The following SDSL variants were observed in gnomAD, a reference collection of about 807,000 sequenced individuals.
SDSL encodes the protein serine dehydratase like.
SDSL carries 26 observed loss-of-function variants against 27.6 expected under a neutral mutation model. That is an observed-to-expected ratio of 0.94 (90% CI 0.69 to 1.31). SDSL has a LOEUF of 1.31. Ranked by LOEUF, SDSL falls within the 50% of genes most tolerant of loss-of-function variation. The probability of loss-of-function intolerance (pLI) is 0.00; values close to 1 mark genes in which losing one functional copy is unlikely to be tolerated. For missense variants in SDSL, 431 were observed against 423.5 expected (o/e 1.02, Z -0.16); for synonymous variants, 196 against 180.6 (o/e 1.09, Z -0.69).
rs1249392200 is a variant in SDSL, at chr12:113,435,605, A to T, written c.671+49A>T. The T allele has an allele frequency of 5.9e-6, 9 of 1,521,664 alleles. No homozygotes were observed. In the Middle Eastern group the frequency reaches 1.2e-3, roughly 206 times the overall value. The allele number at this position is 1,521,664 out of a possible 1,614,324, so 94.3% of individuals were successfully genotyped here. A position where few individuals can be genotyped will look rare whatever the true frequency, so the allele number is the denominator to read the frequency against. On this transcript the variant is annotated intron_variant, in intron 6 of 7. Coordinates refer to ENST00000403593, the MANE Select transcript of SDSL (RefSeq NM_001304993.2). ...GTAGGGGCTGGAGGGTGGGTGTGCC[A>T]CTGTCCTAGGGCCTTCCAGTCCCAG...
intron 1 of SDSL, chr12:113,425,830 A>T (rs1036478594): frequency 7.2e-6 from 3 of 416,610 alleles, no homozygotes. Context: ...TCTACAAAAA[A>T]TACAAAAAAT....
At position 113,436,664 on chromosome 12, in the gene SDSL, G is replaced by C. The variant is rs577249118; in HGVS notation, c.672-87G>C. The C allele has an allele frequency of 1.4e-4, 189 of 1,341,418 alleles. 1 individual carries two copies. The Middle Eastern group carries it at 4.2e-3, about 30-fold the overall frequency. The allele number at this position is 1,341,418 out of a possible 1,614,324, so 83.1% of individuals were successfully genotyped here. On this transcript the variant is annotated intron_variant, in intron 6 of 7. Coordinates refer to ENST00000403593, the MANE Select transcript of SDSL (RefSeq NM_001304993.2). ...CAACCAGCCCATGGCAGGATGGGAGGGGGTGGCTGGGGCTGGGGAGAGACC... is the reference window on the plus strand; with the variant it reads ...CAACCAGCCCATGGCAGGATGGGAGCGGGTGGCTGGGGCTGGGGAGAGACC...
chr12:113,425,034 C>T (rs1957831626), intron 1 of SDSL, among the ~76,000 whole-genome samples: 1 of 152,210 alleles, frequency 6.6e-6, no homozygotes, highest in Non-Finnish European at 1.5e-5. Flanking sequence ...CTGCACCTGG[C>T]CAATGTTATT....
In SDSL at chr12:113,428,361, C is replaced by T. The variant is rs368995434; in HGVS notation, c.175-59C>T. On this transcript the variant is annotated intron_variant, in intron 2 of 7. Transcript: ENST00000403593. ...ATGGGGAGACTCTAACGCCATTCCA[C>T]ATAGGCCTTCATGACACCTGCTTGG... 31 of 1,550,104 alleles carry T rather than the reference C, an allele frequency of 2.0e-5. 1 individual carries two copies. In the African/African-American group the frequency reaches 2.8e-4, roughly 14 times the overall value.
chr12:113,436,645 GC>G (rs1305878523), intron 6 of SDSL, 105 bp from the exon 7 acceptor site: 1 of 1,209,412 alleles, frequency 8.3e-7, no homozygotes, highest in Non-Finnish European at 1.1e-6. Flanking sequence ...GCTCCAACCA[GC>G]CCATGGCAGG....
rs1028449319 is a variant in SDSL, at chr12:113,435,488, C to T, written c.603C>T (p.Thr201=). Residue 201 remains threonine (T), a synonymous_variant, in exon 6 of 8, where the codon ACC becomes ACT. Transcript: ENST00000403593. ...WQHVPIIAME[T]HGAHCFNAAI... ...ATGTACCCATCATTGCCATGGAGACCCATGGGGCACACTGCTTCAATGCGG... is the reference window on the plus strand; with the variant it reads ...ATGTACCCATCATTGCCATGGAGACTCATGGGGCACACTGCTTCAATGCGG... 1.9e-6 allele frequency: 3 copies of T among 1,614,084 alleles called. No individual in the cohort carries two copies. The highest frequency in any genetic ancestry group is 2.5e-6 in the Non-Finnish European group (3 of 1,179,998).
chr12:113,425,719 G>C (rs1022332540), intron 1 of SDSL: 13 of 455,792 alleles, frequency 2.9e-5, no homozygotes, highest in Non-Finnish European at 5.3e-5. Context: ...AGGGCTGAGC[G>C]CGGTGGCTCA....
chr12:113,437,550 A>C (rs1474839805), intron 7 of SDSL, among the ~76,000 whole-genome samples: 1 of 152,210 alleles, frequency 6.6e-6, no homozygotes, highest in Non-Finnish European at 1.5e-5. Context: ...ACAGACAGTC[A>C]AATGATGGAT....
intron 7 of SDSL, 117 bp downstream of exon 7, chr12:113,436,992 A>G: frequency 1.8e-6 from 2 of 1,097,650 alleles, no homozygotes; most frequent in South Asian, 1.9e-5. Context: ...CTAGGTGTGC[A>G]GTTACTGTGC....
intron 5 of SDSL, 62 bp downstream of exon 5, chr12:113,434,284 C>T (rs1293007857): frequency 2.3e-6 from 3 of 1,294,024 alleles, no homozygotes; most frequent in Non-Finnish European, 3.2e-6. Flanking sequence ...GAGTCAGGGT[C>T]CTCCCATTGG....
chr12:113,423,274 A>G (rs1957812090), intron 1 of SDSL, among the ~76,000 whole-genome samples: 1 of 152,238 alleles, frequency 6.6e-6, no homozygotes, highest in Admixed American at 6.5e-5. Context: ...AGTAACGATA[A>G]CACTAGTATA....
At chr12:113,432,416 A>T (rs894323258) in intron 4 of SDSL, among the ~76,000 whole-genome samples, 1 of 151,662 alleles carries the variant, frequency 6.6e-6, no homozygotes, top group African/African-American at 2.4e-5. Context: ...ATCTTGGCTC[A>T]CTGCAACCTC....
At position 113,423,097 on chromosome 12, in the gene SDSL, T is replaced by G. The variant is rs1053616894; in HGVS notation, c.-22+620T>G. Among the ~76,000 whole-genome samples, 6 of 152,216 alleles carry G rather than the reference T, an allele frequency of 3.9e-5. No individual in the cohort carries two copies. In the East Asian group the frequency reaches 1.2e-3, roughly 29 times the overall value. On this transcript the variant is annotated intron_variant, in intron 1 of 7. Coordinates refer to ENST00000403593, the MANE Select transcript of SDSL (RefSeq NM_001304993.2). Reference sequence around the variant, plus strand: ...TCAGGTGCCTGATGGGGTCTGGGGTTGATAAGGCTGTTGGCAACTTGGGGC... The same window carrying G: ...TCAGGTGCCTGATGGGGTCTGGGGTGGATAAGGCTGTTGGCAACTTGGGGC...
intron 7 of SDSL, among the ~76,000 whole-genome samples, chr12:113,437,663 A>AATGG (rs1359338693): frequency 6.6e-6 from 1 of 152,050 alleles, no homozygotes; most frequent in Non-Finnish European, 1.5e-5. Flanking sequence ...TGGATAGAGG[A>AATGG]ATGGATGGAT....
chr12:113,429,225 C>T lies in SDSL; in HGVS notation c.280C>T (p.Leu94Phe). ...GCTGGGCATTCCTGCCACCATCGTG[C>T]TCCCCGAGAGCACCTCCCTGCAGGT... ...RKLGIPATIV[L>F]PESTSLQVVQ... The change falls in exon 4 of 8, where the codon CTC (leucine) becomes TTC (phenylalanine). Residue 94 changes from leucine to phenylalanine, a missense_variant. Leu to Phe is a conservative substitution (Grantham distance 22). Coordinates refer to ENST00000403593, the MANE Select transcript of SDSL (RefSeq NM_001304993.2). 1 of 1,613,916 alleles carries T rather than the reference C, an allele frequency of 6.2e-7. No individual in the cohort carries two copies.
At chr12:113,435,300 T>TGCTTCTCCCTCTCACCCC (rs1957974167) in intron 5 of SDSL, 29 bp from the exon 6 acceptor site, 1 of 1,453,618 alleles carries the variant, frequency 6.9e-7, no homozygotes, top group South Asian at 1.4e-5. Flanking sequence ...TCCCTCACTC[T>TGCTTCTCCCTCTCACCCC]GCTTCTCCCT....
Position 113,436,811 on chromosome 12 carries a change from G to T in SDSL, c.732G>T (p.Val244=). The T allele has an allele frequency of 6.2e-7, 1 of 1,612,380 alleles. No individual in the cohort carries two copies. Among genetic ancestry groups the T allele is most frequent in the East Asian group, 2.2e-5 (1 of 44,842 alleles). The change falls in exon 7 of 8, where the codon GTG becomes GTT. Residue 244 remains valine, a synonymous_variant. Transcript: ENST00000403593. ...CTCGGGCCCTGGAGTGCATGCAGGT[G>T]TGCAAGATTCACTCTGAAGTGGTGG... The part of the protein sequence containing the change: ...VAARALECMQ[V]CKIHSEVVED...
At position 113,435,314 on chromosome 12, in the gene SDSL, AC is replaced by A. The variant is rs781592617; in HGVS notation, c.444-8del. On this transcript the variant is annotated splice_polypyrimidine_tract_variant and intron_variant, in intron 5 of 7. Transcript: ENST00000403593. ...CTCCCTCACTCTGCTTCTCCCTCTC[AC>A]CCCCCCTCCCCAGGAAAGGCCACGC... is the stretch of plus-strand genomic sequence containing the variant. 1.2e-5 allele frequency: 18 copies of A among 1,478,968 alleles called. No individual in the cohort carries two copies. Among genetic ancestry groups the A allele is most frequent in the East Asian group, 2.5e-5 (1 of 40,148 alleles). 91.6% of individuals were successfully genotyped at this position (1,478,968 alleles called of 1,614,324 possible).
intron 1 of SDSL, among the ~76,000 whole-genome samples, chr12:113,424,849 C>T (rs1957829419): frequency 6.6e-6 from 1 of 152,080 alleles, no homozygotes; most frequent in African/African-American, 2.4e-5. Flanking sequence ...AATTCTCCCA[C>T]CTCAGCCTCC....
Sources: gnomAD v4.1 joint callset for allele counts (sites outside exome capture counted in the v4.1 genomes callset) on GRCh38, gnomAD v4.1.1 for gene constraint, MANE v1.5 for transcripts, NCBI Gene and HGNC (gene_info 2026-07-23, HGNC 2026-07-21) for gene names.